The following GARS1 variants were observed in gnomAD, a reference collection of about 807,000 sequenced individuals.
The protein encoded by GARS1 is glycyl-tRNA synthetase 1.
In GARS1, 46 loss-of-function variants were observed where a neutral mutation model predicts 86.4. That is an observed-to-expected ratio of 0.53 (90% CI 0.42 to 0.68). The LOEUF (loss-of-function observed/expected upper bound fraction) is 0.68, where lower values mean the gene tolerates loss of function less well. Among genes scored for constraint, GARS1 ranks in the 30% least tolerant of loss-of-function variants. The pLI is 0.00. For synonymous variants in GARS1, 342 were observed against 329.8 expected, an observed-to-expected ratio of 1.04 and a Z score of -0.40; for missense variants, 797 against 915.6, an observed-to-expected ratio of 0.87 and a Z score of 1.67.
intron 10 of GARS1, 113 bp downstream of exon 10, chr7:30,617,391 A>C: frequency 7.7e-7 from 1 of 1,293,104 alleles, no homozygotes; most frequent in East Asian, 2.5e-5. Context: ...AAAAGAAAAG[A>C]GATCTTTTCC....
rs1406879720 is a variant in GARS1, at chr7:30,626,213, ATG to A, written c.1614-17_1614-16del. The A allele has an allele frequency of 1.3e-5, 19 of 1,519,834 alleles. No homozygotes were observed. Among genetic ancestry groups the A allele is most frequent in the Non-Finnish European group, 1.6e-5 (18 of 1,095,404 alleles). The allele number at this position is 1,519,834 out of a possible 1,614,324, so 94.1% of individuals were successfully genotyped here. A position where few individuals can be genotyped will look rare whatever the true frequency, so the allele number is the denominator to read the frequency against. On this transcript the variant is annotated intron_variant, in intron 12 of 16. Transcript: ENST00000389266. ...GGGTGCCTGTTTGAACTAATACAAA[ATG>A]TGTTTTGTTTCTTCGTAGGGAATTC...
intron 10 of GARS1, among the ~76,000 whole-genome samples, chr7:30,618,795 C>A (rs1201931580): frequency 1.3e-5 from 2 of 152,134 alleles, no homozygotes; most frequent in Non-Finnish European, 2.9e-5. Flanking sequence ...TTAATATATT[C>A]TTTTTCCCTT....
rs1389508169 is a variant in GARS1, at chr7:30,594,949, AG to A, written c.29del (p.Arg10LysfsTer16). The A allele has an allele frequency of 6.3e-7, 1 of 1,595,796 alleles. No homozygotes were observed. The highest frequency in any genetic ancestry group is 8.5e-7 in the Non-Finnish European group (1 of 1,178,146). Reference sequence around the variant, plus strand: ...GCCCTCTCCGCGTCCAGTGCTGCTTAGAGGTGCTCGCGCCGCTCTGCTGCTG... The same window carrying A: ...GCCCTCTCCGCGTCCAGTGCTGCTTAAGGTGCTCGCGCCGCTCTGCTGCTG... Reference protein sequence around the residue: MPSPRPVLLRGARAALLLLL... With the variant: MPSPRPVLLXGARAALLLLL... On this transcript the variant is annotated frameshift_variant, in exon 1 of 17. Transcript: ENST00000389266. LOFTEE classifies it high-confidence loss of function.
At position 30,618,848 on chromosome 7, in the gene GARS1, A is replaced by G. The variant is rs1446401054; in HGVS notation, c.1359+1570A>G. Among the ~76,000 whole-genome samples, 2 of 152,346 alleles carry G rather than the reference A, an allele frequency of 1.3e-5. 1 individual carries two copies. Among genetic ancestry groups the G allele is most frequent in the South Asian group, 4.1e-4 (2 of 4,828 alleles). The stretch of plus-strand genomic sequence containing the variant: ...TACTGTAATCTGTTAGGATTTTCTT[A>G]GCAAGCTTGCTTGACATATGTCAAA... On this transcript the variant is annotated intron_variant, in intron 10 of 16. Coordinates refer to ENST00000389266, the MANE Select transcript of GARS1 (RefSeq NM_002047.4).
intron 4 of GARS1, 150 bp from the exon 5 acceptor site, chr7:30,602,884 C>G (rs776107787): frequency 7.3e-6 from 5 of 683,772 alleles, no homozygotes; most frequent in Non-Finnish European, 1.1e-5. Flanking sequence ...CTCTGGCATC[C>G]ATTACTGTCA....
At chr7:30,620,895 T>A (rs1223500138) in intron 10 of GARS1, among the ~76,000 whole-genome samples, 2 of 152,352 alleles carry the variant, frequency 1.3e-5, no homozygotes, top group Non-Finnish European at 2.9e-5. Context: ...GTTCACAAAT[T>A]TGAACCAAAT....
At chr7:30,607,503 C>G (rs1791507365) in intron 6 of GARS1, among the ~76,000 whole-genome samples, 1 of 143,954 alleles carries the variant, frequency 6.9e-6, no homozygotes, top group Non-Finnish European at 1.5e-5. Context: ...ACAATGAGAA[C>G]ACATGGACAC....
At chr7:30,631,998 C>G (rs1228975811) in intron 15 of GARS1, 1 of 497,748 alleles carries the variant, frequency 2.0e-6, no homozygotes, top group Non-Finnish European at 3.6e-6. Flanking sequence ...GACTCACCTT[C>G]TGGCCTTGGC....
intron 2 of GARS1, 47 bp from the exon 3 acceptor site, chr7:30,599,900 T>TTC: frequency 2.5e-6 from 3 of 1,198,662 alleles, no homozygotes; most frequent in Non-Finnish European, 3.7e-6. Flanking sequence ...AAGTTCAGAT[T>TTC]CCCACCCACC....
intron 1 of GARS1, among the ~76,000 whole-genome samples, chr7:30,597,833 C>G (rs753399609): frequency 5.9e-5 from 9 of 152,100 alleles, no homozygotes; most frequent in Non-Finnish European, 1.3e-4. Flanking sequence ...TGTTGGGTGC[C>G]CAAGGGCTAT....
chr7:30,622,603 C>G, intron 12 of GARS1, 141 bp downstream of exon 12: 4 of 1,008,144 alleles, frequency 4.0e-6, no homozygotes, highest in Non-Finnish European at 6.1e-6. Flanking sequence ...CTGTCTTTGC[C>G]GAGATTTTGG....
chr7:30,600,477 A>G (rs1439880825), intron 3 of GARS1, among the ~76,000 whole-genome samples: 1 of 152,220 alleles, frequency 6.6e-6, no homozygotes, highest in Non-Finnish European at 1.5e-5. Flanking sequence ...CTTCCCAGGG[A>G]TGTAGATAAA....
At chr7:30,628,437 A>T (rs1292876050) in intron 13 of GARS1, 123 bp from the exon 14 acceptor site, 28 of 688,042 alleles carry the variant, frequency 4.1e-5, no homozygotes, top group Non-Finnish European at 7.5e-5. Context: ...CACCTACCTC[A>T]GCCTCCCAAA....
At chr7:30,595,987 T>G in intron 1 of GARS1, 3 of 443,070 alleles carry the variant, frequency 6.8e-6, no homozygotes, top group South Asian at 4.9e-5. Flanking sequence ...TAGACCTCCT[T>G]TTCCTAGGGC....
At chr7:30,618,117 A>G (rs1782927970) in intron 10 of GARS1, among the ~76,000 whole-genome samples, 1 of 152,230 alleles carries the variant, frequency 6.6e-6, no homozygotes, top group South Asian at 2.1e-4. Context: ...TTAAAAAGTA[A>G]TGACTACTTT....
chr7:30,619,991 G>T (rs931949229), intron 10 of GARS1, among the ~76,000 whole-genome samples: 2 of 151,800 alleles, frequency 1.3e-5, no homozygotes, highest in African/African-American at 4.8e-5. Context: ...TAGCCAGGCT[G>T]GTCTTGAACT....
intron 10 of GARS1, 101 bp from the exon 11 acceptor site, chr7:30,621,292 C>T (rs1783000522): frequency 1.1e-6 from 1 of 936,918 alleles, no homozygotes; most frequent in South Asian, 1.3e-5. Flanking sequence ...ATCGAATTAT[C>T]ATTGAATATA....
At chr7:30,628,327 C>T (rs954002538) in intron 13 of GARS1, among the ~76,000 whole-genome samples, 1 of 151,818 alleles carries the variant, frequency 6.6e-6, no homozygotes, top group Non-Finnish European at 1.5e-5. Context: ...TGGGATTACA[C>T]GCACCTGCCA....
chr7:30,609,027 T>G (rs1791539262), intron 6 of GARS1, among the ~76,000 whole-genome samples: 1 of 152,228 alleles, frequency 6.6e-6, no homozygotes, highest in African/African-American at 2.4e-5. Flanking sequence ...TTGGCACTGA[T>G]GATCAATGTA....
Sources: gnomAD v4.1 joint callset for allele counts (sites outside exome capture counted in the v4.1 genomes callset) on GRCh38, gnomAD v4.1.1 for gene constraint, MANE v1.5 for transcripts, NCBI Gene and HGNC (gene_info 2026-07-23, HGNC 2026-07-21) for gene names.